EXTL2: variants seen among roughly 807,000 people sequenced by gnomAD.
EXTL2 encodes the protein exostosin like glycosyltransferase 2.
Under a neutral mutation model 30.7 loss-of-function variants are expected in EXTL2, and 23 were observed. The ratio of observed to expected loss-of-function variants is 0.75; its 90% CI spans 0.54 to 1.06. The LOEUF is 1.06. EXTL2 is among the 50% of genes least tolerant of loss of function. The pLI is 0.00. For missense variants in EXTL2, 352 were observed against 396.3 expected (o/e 0.89, Z 0.95); for synonymous variants, 123 against 133.8 (o/e 0.92, Z 0.56).
chr1:100,874,577 C>G, intron 4 of EXTL2, 147 bp from the exon 5 acceptor site: 1 of 689,474 alleles, frequency 1.5e-6, no homozygotes, highest in Non-Finnish European at 2.5e-6. Flanking sequence ...TTATCTAGCT[C>G]CAGGTAACTT....
chr1:100,882,111 C>T lies in EXTL2; in HGVS notation c.6-4208G>A, dbSNP rs184471667. ...CCCAAAACCATCCCCCACCACCCAT[C>T]CATGGAAAAATTGTCTTCCACAAAA... is the stretch of plus-strand genomic sequence containing the variant. On this transcript the variant is annotated intron_variant, in intron 2 of 4. Coordinates refer to ENST00000370114, the MANE Select transcript of EXTL2 (RefSeq NM_001033025.3). Among the ~76,000 whole-genome samples, 882 of 152,342 alleles carry T rather than the reference C, an allele frequency of 5.8e-3. 4 individuals carry two copies. Among genetic ancestry groups the T allele is most frequent in the Non-Finnish European group, 9.6e-3 (654 of 68,030 alleles).
In EXTL2 at chr1:100,873,930, T is replaced by C; in HGVS notation, c.*12A>G. 6.5e-7 allele frequency: 1 copy of C among 1,543,562 alleles called. No homozygotes were observed. Among genetic ancestry groups the C allele is most frequent in the South Asian group, 1.3e-5 (1 of 78,564 alleles). ...CAAGCAGTTTTCAGGTTTGTTTTTGTTTGTTTTACTTTTATATTTTTCTTT... is the reference window on the plus strand; with the variant it reads ...CAAGCAGTTTTCAGGTTTGTTTTTGCTTGTTTTACTTTTATATTTTTCTTT... On this transcript the variant is annotated 3_prime_UTR_variant, in exon 5 of 5. Coordinates refer to ENST00000370114, the MANE Select transcript of EXTL2 (RefSeq NM_001033025.3).
At chr1:100,882,620 AG>A (rs1196368204) in intron 2 of EXTL2, among the ~76,000 whole-genome samples, 1 of 152,248 alleles carries the variant, frequency 6.6e-6, no homozygotes, top group Non-Finnish European at 1.5e-5. Flanking sequence ...CCAGAACTTG[AG>A]ACCAGCCTGG....
chr1:100,887,677 T>TA (rs1650071180), intron 2 of EXTL2, among the ~76,000 whole-genome samples: 1 of 152,176 alleles, frequency 6.6e-6, no homozygotes, highest in Non-Finnish European at 1.5e-5. Flanking sequence ...AACTCTCGAC[T>TA]CTCTCACTTG....
At position 100,873,611 on chromosome 1, in the gene EXTL2, C is replaced by A; in HGVS notation, c.*331G>T. The stretch of plus-strand genomic sequence containing the variant: ...GAAATGCCTCTCTTGAGTTTCTGAT[C>A]CTAGAAACAGCTTGCTATAGGTCCT... On this transcript the variant is annotated 3_prime_UTR_variant, in exon 5 of 5. Transcript: ENST00000370114. 2 of 184,782 alleles carry A rather than the reference C, an allele frequency of 1.1e-5. 1 individual carries two copies. The highest frequency in any genetic ancestry group is 2.2e-5 in the Non-Finnish European group (2 of 89,114). 11.4% of individuals were successfully genotyped at this position (184,782 alleles called of 1,614,324 possible). A position where few individuals can be genotyped will look rare whatever the true frequency, so the allele number is the denominator to read the frequency against.
Position 100,888,809 on chromosome 1 carries a change from A to T in EXTL2, c.-52T>A. 2.1e-6 allele frequency: 3 copies of T among 1,448,996 alleles called. No homozygotes were observed. The highest frequency in any genetic ancestry group is 2.8e-6 in the Non-Finnish European group (3 of 1,058,042). The allele number at this position is 1,448,996 out of a possible 1,614,324, so 89.8% of individuals were successfully genotyped here. On this transcript the variant is annotated 5_prime_UTR_variant, in exon 2 of 5. Coordinates refer to ENST00000370114, the MANE Select transcript of EXTL2 (RefSeq NM_001033025.3). ...TCTCCTTATAGCTTCAGTAATTGAC[A>T]GAAGCAGGCTCACTTGTCACTATTA...
At position 100,877,842 on chromosome 1, in the gene EXTL2, A is replaced by G; in HGVS notation, c.67T>C (p.Leu23=). ...AGTAATAATACGAGGATGACCACCA[A>G]AGATAATCGAAGCACTCGAATCCCC... ...VMGIRVLRLS[L]VVILVLLLVA... is the part of the protein sequence containing the mutation. Residue 23 remains leucine, a synonymous_variant, in exon 3 of 5, where the codon TTG becomes CTG. Transcript: ENST00000370114. The surrounding 1 kb of genome is among the most constrained non-coding windows in gnomAD (Gnocchi z 4.1). The G allele has an allele frequency of 1.2e-6, 2 of 1,601,318 alleles. No individual in the cohort carries two copies. The highest frequency in any genetic ancestry group is 1.7e-6 in the Non-Finnish European group (2 of 1,179,566).
chr1:100,876,107 T>C (rs1649095707), intron 4 of EXTL2, among the ~76,000 whole-genome samples: 1 of 152,084 alleles, frequency 6.6e-6, no homozygotes, highest in Non-Finnish European at 1.5e-5. Context: ...GATCATTTAC[T>C]GGGTAGCACA....
At chr1:100,883,584 C>A (rs1271623703) in intron 2 of EXTL2, among the ~76,000 whole-genome samples, 1 of 152,206 alleles carries the variant, frequency 6.6e-6, no homozygotes, top group African/African-American at 2.4e-5. Context: ...ATCAGTACCT[C>A]ATTTTTTTTG....
chr1:100,884,994 A>G (rs1319892320), intron 2 of EXTL2, among the ~76,000 whole-genome samples: 1 of 152,232 alleles, frequency 6.6e-6, no homozygotes, highest in African/African-American at 2.4e-5. Context: ...TGCCTGAAAC[A>G]TTAACAGAAT....
In EXTL2 at chr1:100,894,760, T is replaced by A. The variant is rs1184772168; in HGVS notation, c.-199A>T. ...TTCTAAACCAAGTAGCGTGCATCTA[T>A]CCTTCTCCATTAGCTGGATTAACAA... is the stretch of plus-strand genomic sequence containing the variant. On this transcript the variant is annotated 5_prime_UTR_variant, in exon 1 of 5. Transcript: ENST00000370114. 6.6e-6 allele frequency: 1 copy of A among 152,058 alleles called. No individual in the cohort carries two copies. The highest frequency in any genetic ancestry group is 2.4e-5 in the African/African-American group (1 of 41,344). 9.4% of individuals were successfully genotyped at this position (152,058 alleles called of 1,614,324 possible).
chr1:100,887,143 T>C (rs751150244), intron 2 of EXTL2, among the ~76,000 whole-genome samples: 9 of 152,242 alleles, frequency 5.9e-5, no homozygotes, highest in Admixed American at 1.3e-4. Context: ...GATTTTCATT[T>C]GAATCTGTTT....
At chr1:100,886,516 G>A (rs911211689) in intron 2 of EXTL2, among the ~76,000 whole-genome samples, 1 of 152,122 alleles carries the variant, frequency 6.6e-6, no homozygotes, top group Non-Finnish European at 1.5e-5. Context: ...TCAATCCTAA[G>A]CTCTTATGCA....
chr1:100,894,359 T>G (rs1650689370), intron 1 of EXTL2, among the ~76,000 whole-genome samples: 1 of 152,180 alleles, frequency 6.6e-6, no homozygotes, highest in Admixed American at 6.5e-5. Context: ...TTTTAAATAT[T>G]TCTACACTTA....
chr1:100,889,000 G>T, intron 1 of EXTL2, 172 bp from the exon 2 acceptor site: 1 of 391,208 alleles, frequency 2.6e-6, no homozygotes, highest in Non-Finnish European at 4.6e-6. Context: ...CAATGAGGTA[G>T]ATGATTAATG....
intron 2 of EXTL2, among the ~76,000 whole-genome samples, chr1:100,887,948 T>C (rs184317305): frequency 0.013 from 2,048 of 152,286 alleles, 55 homozygotes; most frequent in African/African-American, 0.045. Flanking sequence ...ATCCGCCCGC[T>C]TTGGCCTCCC....
At position 100,874,297 on chromosome 1, in the gene EXTL2, A is replaced by G. The variant is rs1348479071; in HGVS notation, c.638T>C (p.Ile213Thr). 6.8e-6 allele frequency: 11 copies of G among 1,612,954 alleles called. No homozygotes were observed. Among genetic ancestry groups the G allele is most frequent in the African/African-American group, 1.3e-5 (1 of 74,844 alleles). ...TTTGCTATTGAAGAATGAGGCTCCA[A>G]TCAGCACCATAGAGTACTGGTCACC... is the stretch of plus-strand genomic sequence containing the variant. ...GNGDQYSMVLIGASFFNSKYL... is the reference protein window; with the variant it reads ...GNGDQYSMVLTGASFFNSKYL... Residue 213 changes from isoleucine to threonine, a missense_variant, in exon 5 of 5, where the codon ATT becomes ACT. By Grantham distance (89) the Ile-to-Thr change is moderately conservative. Transcript: ENST00000370114.
At chr1:100,878,417 C>T (rs1275369904) in intron 2 of EXTL2, 1 of 470,830 alleles carries the variant, frequency 2.1e-6, no homozygotes, top group East Asian at 6.9e-5. Flanking sequence ...AGTTCCTGAG[C>T]ACTTACTTTG....
rs555589587 is a variant in EXTL2 at position 100,885,657 on chromosome 1, A to G, written c.5+3096T>C. ...CAAAATACAAAATGCCAGAAATGGTACATGAAAGGTCATTTTTCTTCACAA... is the reference window on the plus strand; with the variant it reads ...CAAAATACAAAATGCCAGAAATGGTGCATGAAAGGTCATTTTTCTTCACAA... On this transcript the variant is annotated intron_variant, in intron 2 of 4. Transcript: ENST00000370114. 2.0e-4 allele frequency: 30 copies of G among 152,360 alleles called. No individual in the cohort carries two copies. The South Asian group carries it at 6.2e-3, about 32-fold the overall frequency. 9.4% of individuals were successfully genotyped at this position (152,360 alleles called of 1,614,324 possible). A position where few individuals can be genotyped will look rare whatever the true frequency, so the allele number is the denominator to read the frequency against.
Sources: allele counts gnomAD v4.1 joint callset (sites outside exome capture counted in the v4.1 genomes callset), GRCh38; gene constraint gnomAD v4.1.1; non-coding constraint Gnocchi (gnomAD v3.1); transcripts MANE v1.5; gene names NCBI Gene and HGNC (gene_info 2026-07-23, HGNC 2026-07-21).